Variants in RBFOX1 observed in about 807,000 individuals in gnomAD.
RBFOX1 encodes RNA binding protein fox-1 homolog 1.
RBFOX1 carries 8 observed loss-of-function variants against 57.7 expected under a neutral mutation model. The observed-to-expected ratio is 0.14, with a 90% CI of 0.08 to 0.25. The LOEUF (loss-of-function observed/expected upper bound fraction) is 0.25. Ranked by LOEUF, RBFOX1 falls within the 10% of genes least tolerant of loss-of-function variation. The pLI is 1.00. For synonymous variants in RBFOX1, 326 were observed against 222.4 expected (o/e 1.47, Z -4.15); for missense variants, 611 against 548.5 (o/e 1.11, Z -1.14).
intron 2 of RBFOX1, among the ~76,000 whole-genome samples, chr16:6,346,682 TTTTTA>T (rs1437974337): frequency 6.6e-6 from 1 of 152,238 alleles, no homozygotes; most frequent in African/African-American, 2.4e-5. Context: ...GTCTATAGTT[TTTTTA>T]TTTTAACAGT....
chr16:6,859,183 ATG>A (rs1491259403), intron 3 of RBFOX1, among the ~76,000 whole-genome samples: 2,689 of 81,446 alleles, frequency 0.033, 66 homozygotes, highest in South Asian at 0.056. Context: ...ATGTATATAT[ATG>A]TATATATATA....
intron 4 of RBFOX1, among the ~76,000 whole-genome samples, chr16:5,970,277 C>T (rs889546454): frequency 2.6e-5 from 4 of 151,046 alleles, no homozygotes; most frequent in African/African-American, 9.7e-5. Context: ...TCTGGTTACT[C>T]TTTTTTTTTA....
At chr16:6,569,150 G>C (rs1390553698) in intron 2 of RBFOX1, among the ~76,000 whole-genome samples, 2 of 152,148 alleles carry the variant, frequency 1.3e-5, no homozygotes, top group African/African-American at 4.8e-5. Context: ...GTAAACTGAG[G>C]ATATTTTGAA....
intron 4 of RBFOX1, among the ~76,000 whole-genome samples, chr16:7,330,507 TGTTTGTGTGTG>T: frequency 1.3e-5 from 1 of 76,624 alleles, no homozygotes; most frequent in African/African-American, 7.0e-5. Context: ...TGTGTGTGTG[TGTTTGTGTGTG>T]TGTGTGTAGA....
chr16:7,431,376 A>G (rs2098678094), intron 4 of RBFOX1: 1 of 151,026 alleles, frequency 6.6e-6, no homozygotes, highest in African/African-American at 2.5e-5. Context: ...ACAGGTCTGC[A>G]CCAACATGCG....
At chr16:6,105,796 G>C (rs539623832) in intron 1 of RBFOX1, among the ~76,000 whole-genome samples, 1 of 151,946 alleles carries the variant, frequency 6.6e-6, no homozygotes, top group African/African-American at 2.4e-5. Flanking sequence ...ATGTATGTGA[G>C]AACTCAGGCA....
intron 2 of RBFOX1, among the ~76,000 whole-genome samples, chr16:5,565,288 C>T (rs8062634): frequency 0.012 from 1,826 of 152,196 alleles, 48 homozygotes; most frequent in African/African-American, 0.042. Context: ...CACGTGCGTG[C>T]GTGTGTTCAT....
chr16:6,237,842 C>G (rs1039043902), intron 1 of RBFOX1, among the ~76,000 whole-genome samples: 1 of 151,740 alleles, frequency 6.6e-6, no homozygotes, highest in African/African-American at 2.4e-5. Flanking sequence ...ACCTGTAATC[C>G]CAGCACTTTG....
chr16:6,951,970 T>C (rs1394037600), intron 3 of RBFOX1, among the ~76,000 whole-genome samples: 5 of 152,144 alleles, frequency 3.3e-5, no homozygotes, highest in Non-Finnish European at 7.4e-5. Context: ...ACCTGATCTC[T>C]TGATGGGGGC....
At chr16:7,567,303 C>CTATA (rs199970979) in intron 5 of RBFOX1, among the ~76,000 whole-genome samples, 1 of 111,772 alleles carries the variant, frequency 8.9e-6, no homozygotes, top group African/African-American at 3.6e-5. Flanking sequence ...ATATATGGCC[C>CTATA]TATATATATA....
intron 5 of RBFOX1, among the ~76,000 whole-genome samples, chr16:7,574,269 T>C (rs539008536): frequency 6.6e-6 from 1 of 152,300 alleles, no homozygotes; most frequent in South Asian, 2.1e-4. Flanking sequence ...AAGTGTTCTC[T>C]TTGGAGAGTC....
intron 2 of RBFOX1, among the ~76,000 whole-genome samples, chr16:6,414,370 G>A (rs539561208): frequency 1.1e-4 from 16 of 152,244 alleles, no homozygotes; most frequent in Admixed American, 6.5e-4. Flanking sequence ...ATCCATTTGC[G>A]CATGTATTTC....
At chr16:5,378,476 C>T (rs2066046930) in intron 1 of RBFOX1, among the ~76,000 whole-genome samples, 1 of 151,590 alleles carries the variant, frequency 6.6e-6, no homozygotes, top group African/African-American at 2.4e-5. Context: ...GCTAGGGGCA[C>T]CCTAGCAAGG....
chr16:5,785,655 G>GT (rs2054474627), intron 3 of RBFOX1, among the ~76,000 whole-genome samples: 1 of 152,030 alleles, frequency 6.6e-6, no homozygotes, highest in South Asian at 2.1e-4. Context: ...AGCCTCCTGA[G>GT]TAGCTGGGAT....
In RBFOX1 at chr16:7,631,468, T is replaced by G. The variant is rs535338441; in HGVS notation, c.757+785T>G. 3.9e-4 allele frequency among the ~76,000 whole-genome samples: 59 copies of G among 152,334 alleles called. 1 individual carries two copies. In the South Asian group the frequency reaches 0.012, roughly 32 times the overall value. On this transcript the variant is annotated intron_variant, in intron 11 of 15. Transcript: ENST00000550418. ...TAGAAGAATTAAAGCCGCCACTGAC[T>G]CTACCATGTTCTCCCAGAGGGTATA... is the stretch of plus-strand genomic sequence containing the variant.
At chr16:7,477,168 A>G (rs1457693407) in intron 4 of RBFOX1, among the ~76,000 whole-genome samples, 4 of 152,202 alleles carry the variant, frequency 2.6e-5, no homozygotes, top group Non-Finnish European at 5.9e-5. Flanking sequence ...AACTACAAAT[A>G]AATGGCATTC....
intron 5 of RBFOX1, among the ~76,000 whole-genome samples, chr16:7,568,376 C>T (rs2092360793): frequency 6.6e-6 from 1 of 152,136 alleles, no homozygotes; most frequent in Non-Finnish European, 1.5e-5. Flanking sequence ...CTGACATTGC[C>T]ATGGCATTTG....
chr16:7,332,465 C>A (rs893517331), intron 4 of RBFOX1, among the ~76,000 whole-genome samples: 1 of 152,046 alleles, frequency 6.6e-6, no homozygotes, highest in Non-Finnish European at 1.5e-5. Flanking sequence ...TTTTTTCTAT[C>A]AGTGCCAAAC....
chr16:5,389,683 ATTATTTTATTTTATG>A (rs1383256899), intron 1 of RBFOX1, among the ~76,000 whole-genome samples: 5 of 147,436 alleles, frequency 3.4e-5, no homozygotes, highest in African/African-American at 5.0e-5. Flanking sequence ...ATTTTATTTT[ATTATTTTATTTTATG>A]TTATTTTATT....
Sources: gnomAD v4.1 joint callset for allele counts (sites outside exome capture counted in the v4.1 genomes callset) on GRCh38, gnomAD v4.1.1 for gene constraint, MANE v1.5 for transcripts, NCBI Gene and HGNC (gene_info 2026-07-23, HGNC 2026-07-21) for gene names.